SPRR2F: variants seen among roughly 807,000 people sequenced by gnomAD.
SPRR2F encodes the protein small proline rich protein 2F.
SPRR2F carries 2 observed loss-of-function variants against 0.8 expected under a neutral mutation model. That is an observed-to-expected ratio of 2.52 (90% confidence interval 1.03 to 7.95). The LOEUF is 7.95. SPRR2F is among the 30% of genes most tolerant of loss of function. The probability of loss-of-function intolerance (pLI) is 0.04; values close to 1 mark genes in which losing one functional copy is unlikely to be tolerated. For synonymous variants in SPRR2F, 39 were observed against 33.4 expected (o/e 1.17, Z -0.58); for missense variants, 80 against 85.8 (o/e 0.93, Z 0.27).
At chr1:153,113,177 A>G (rs1655641242) in intron 1 of SPRR2F, among the ~76,000 whole-genome samples, 1 of 152,228 alleles carries the variant, frequency 6.6e-6, no homozygotes, top group Non-Finnish European at 1.5e-5. Flanking sequence ...CTGCTACGAC[A>G]TAAACCTTTG....
Position 153,112,424 on chromosome 1 carries a change from A to T in SPRR2F, c.*91T>A, listed in dbSNP as rs1655610602. The T allele has an allele frequency of 2.0e-6, 3 of 1,534,684 alleles. No individual in the cohort carries two copies. The highest frequency in any genetic ancestry group is 2.0e-5 in the Admixed American group (1 of 50,864). Reference sequence around the variant, plus strand: ...AAAGAAGCTCCCTGTGTATCCCTGGATGGCTTTGATGAGAAGATGCAGGTG... The same window carrying T: ...AAAGAAGCTCCCTGTGTATCCCTGGTTGGCTTTGATGAGAAGATGCAGGTG... On this transcript the variant is annotated 3_prime_UTR_variant, in exon 2 of 2. Transcript: ENST00000468739.
chr1:153,118,357 A>G (rs1181130259), upstream of SPRR2F, among the ~76,000 whole-genome samples: 1 of 152,154 alleles, frequency 6.6e-6, no homozygotes, highest in Non-Finnish European at 1.5e-5. Context: ...TAAAAGATAA[A>G]TTTACACATC....
chr1:153,114,595 T>C (rs1655682369), upstream of SPRR2F, among the ~76,000 whole-genome samples: 2 of 152,190 alleles, frequency 1.3e-5, no homozygotes, highest in South Asian at 4.1e-4. Flanking sequence ...AAGTATAATC[T>C]AATATGTATT....
upstream of SPRR2F, among the ~76,000 whole-genome samples, chr1:153,115,780 T>G (rs932643357): frequency 6.6e-6 from 1 of 152,182 alleles, no homozygotes; most frequent in Non-Finnish European, 1.5e-5. Flanking sequence ...TACCTTTCTA[T>G]TATCTCTCCA....
At chr1:153,118,258 A>G (rs1655757512), upstream of SPRR2F, among the ~76,000 whole-genome samples, 1 of 152,098 alleles carries the variant, frequency 6.6e-6, no homozygotes, top group African/African-American at 2.4e-5. Flanking sequence ...ACTCACAAAG[A>G]CATGGTTGAA....
upstream of SPRR2F, among the ~76,000 whole-genome samples, chr1:153,115,997 C>A (rs559334074): frequency 8.5e-5 from 13 of 152,270 alleles, no homozygotes; most frequent in South Asian, 2.5e-3. Context: ...GCATTTTACA[C>A]CATTAAACAA....
At chr1:153,116,195 A>T (rs1655719837), upstream of SPRR2F, among the ~76,000 whole-genome samples, 2 of 152,176 alleles carry the variant, frequency 1.3e-5, no homozygotes, top group South Asian at 4.1e-4. Flanking sequence ...AAATTATGGG[A>T]CATTAATGTT....
chr1:153,113,109 T>C (rs531754683), intron 1 of SPRR2F, among the ~76,000 whole-genome samples: 1 of 152,140 alleles, frequency 6.6e-6, no homozygotes, highest in African/African-American at 2.4e-5. Flanking sequence ...AAAATCCCAG[T>C]GGGTTGACAT....
rs1655603982 is a variant in SPRR2F, at chr1:153,112,277, G to A, written c.*238C>T. ...GCTGCTCTTTCTTCTGAAGCTCTGG[G>A]AGCTGGCACAGCCCAGGACTTCCTT... is the stretch of plus-strand genomic sequence containing the variant. On this transcript the variant is annotated 3_prime_UTR_variant, in exon 2 of 2. Coordinates refer to ENST00000468739, the MANE Select transcript of SPRR2F (RefSeq NM_001014450.3). The A allele has an allele frequency of 7.9e-6, 5 of 631,566 alleles. No individual in the cohort carries two copies. The South Asian group carries it at 1.8e-4, about 22-fold the overall frequency. The allele number at this position is 631,566 out of a possible 1,614,324, so 39.1% of individuals were successfully genotyped here.
At chr1:153,117,775 A>G (rs188146828), upstream of SPRR2F, among the ~76,000 whole-genome samples, 2 of 152,228 alleles carry the variant, frequency 1.3e-5, no homozygotes, top group Non-Finnish European at 1.5e-5. Flanking sequence ...TCTCCTCTTA[A>G]GAATCTTTTT....
upstream of SPRR2F, among the ~76,000 whole-genome samples, chr1:153,116,561 G>T (rs1655725188): frequency 6.6e-6 from 1 of 152,094 alleles, no homozygotes; most frequent in African/African-American, 2.4e-5. Context: ...AAACACCAAA[G>T]GTGGGGCTGG....
the SPRR2F span, among the ~76,000 whole-genome samples, chr1:153,119,355 T>A: frequency 5.4e-4 from 82 of 152,190 alleles, no homozygotes; most frequent in Non-Finnish European, 1.1e-3. Context: ...AGACTCACTT[T>A]ACATGGAAGA....
upstream of SPRR2F, among the ~76,000 whole-genome samples, chr1:153,114,310 A>G (rs1452370518): frequency 6.6e-6 from 1 of 152,126 alleles, no homozygotes; most frequent in Non-Finnish European, 1.5e-5. Flanking sequence ...CACATTTGCT[A>G]CTTGCTGCCA....
chr1:153,115,391 G>A (rs903308229), upstream of SPRR2F, among the ~76,000 whole-genome samples: 15 of 152,150 alleles, frequency 9.9e-5, no homozygotes, highest in Admixed American at 9.8e-4. Flanking sequence ...GCTGCCAAAT[G>A]AGATCACTGT....
At position 153,112,560 on chromosome 1, in the gene SPRR2F, T is replaced by C; in HGVS notation, c.174A>G (p.Thr58=). 1 of 1,613,010 alleles carries C rather than the reference T, an allele frequency of 6.2e-7. No homozygotes were observed. Residue 58 remains threonine, a synonymous_variant, in exon 2 of 2, where the codon ACA becomes ACG. Transcript: ENST00000468739. ...ACTTTGGCTGGCAGGGTGGGGAAGG[T>C]GTCACAGGAGGACATTTCTGCTGGC... ...QQCQQKCPPV[T]PSPPCQPKCP... is the part of the protein sequence containing the mutation.
At chr1:153,117,382 C>A (rs191603733), upstream of SPRR2F, among the ~76,000 whole-genome samples, 1 of 152,080 alleles carries the variant, frequency 6.6e-6, no homozygotes, top group East Asian at 1.9e-4. Context: ...AATATGTTAA[C>A]TGTGTTAGTT....
upstream of SPRR2F, among the ~76,000 whole-genome samples, chr1:153,117,486 C>G (rs1018176480): frequency 1.3e-5 from 2 of 151,906 alleles, no homozygotes; most frequent in African/African-American, 4.8e-5. Flanking sequence ...ATTAGCTGTT[C>G]AGGACAATAA....
upstream of SPRR2F, among the ~76,000 whole-genome samples, chr1:153,117,185 G>A (rs893442104): frequency 6.6e-6 from 1 of 151,954 alleles, no homozygotes; most frequent in African/African-American, 2.4e-5. Context: ...ATTTGAATGA[G>A]GTGTGGTGAA....
chr1:153,116,177 A>T (rs921765767), upstream of SPRR2F, among the ~76,000 whole-genome samples: 25 of 152,196 alleles, frequency 1.6e-4, 1 homozygote, highest in Admixed American at 8.5e-4. Flanking sequence ...AATTTTGCTT[A>T]ATCAGATAAA....
Sources: allele counts gnomAD v4.1 joint callset (sites outside exome capture counted in the v4.1 genomes callset), GRCh38; gene constraint gnomAD v4.1.1; transcripts MANE v1.5; gene names NCBI Gene and HGNC (gene_info 2026-07-23, HGNC 2026-07-21).